The following RBL2 variants were observed in gnomAD, a reference collection of about 807,000 sequenced individuals.
The protein encoded by RBL2 is retinoblastoma-like protein 2.
A neutral mutation model predicts 126.0 loss-of-function variants in RBL2; 56 were observed. The observed-to-expected ratio is 0.44, with a 90% CI of 0.36 to 0.56. The LOEUF is 0.56. Ranked by LOEUF, RBL2 falls within the 20% of genes least tolerant of loss-of-function variation. RBL2 has a pLI of 0.00. For missense variants in RBL2, 1,229 were observed against 1,398.2 expected (o/e 0.88, Z 1.93); for synonymous variants, 454 against 478.5 (o/e 0.95, Z 0.67).
At chr16:53,449,821 C>T (rs1321682190) in intron 4 of RBL2, among the ~76,000 whole-genome samples, 1 of 152,044 alleles carries the variant, frequency 6.6e-6, no homozygotes, top group Non-Finnish European at 1.5e-5. Context: ...TAAAATACCT[C>T]ACAAAGTCAG....
At chr16:53,487,329 T>C (rs748370642) in intron 21 of RBL2, among the ~76,000 whole-genome samples, 29 of 152,280 alleles carry the variant, frequency 1.9e-4, no homozygotes, top group Non-Finnish European at 3.1e-4. Flanking sequence ...GACAGTAGTG[T>C]TGGTGGAAGT....
chr16:53,448,427 GCTTAC>G (rs926000744), intron 4 of RBL2, among the ~76,000 whole-genome samples: 46 of 152,234 alleles, frequency 3.0e-4, no homozygotes, highest in African/African-American at 9.4e-4. Flanking sequence ...AAAGTGCTGG[GCTTAC>G]AGGCGTGAGC....
At chr16:53,435,434 A>T (rs559269629) in intron 1 of RBL2, among the ~76,000 whole-genome samples, 31 of 152,156 alleles carry the variant, frequency 2.0e-4, no homozygotes, top group African/African-American at 7.5e-4. Context: ...GGCTACCTCG[A>T]GGGCTTTTTG....
intron 17 of RBL2, among the ~76,000 whole-genome samples, chr16:53,476,650 G>C (rs910882818): frequency 4.6e-5 from 7 of 152,076 alleles, no homozygotes. Context: ...TTTCGCTTCA[G>C]GTATTTTTTG....
intron 4 of RBL2, chr16:53,448,916 T>C (rs2058088424): frequency 6.6e-6 from 1 of 152,222 alleles, no homozygotes; most frequent in African/African-American, 2.4e-5. Flanking sequence ...GGGAAGAATG[T>C]GTTACATTGT....
At chr16:53,490,107 T>G (rs762412020) in intron 21 of RBL2, 23 bp from the exon 22 acceptor site, 1 of 1,514,884 alleles carries the variant, frequency 6.6e-7, no homozygotes, top group South Asian at 1.3e-5. Context: ...TTTTAAAATT[T>G]TTGTATCTTT....
chr16:53,455,534 G>T (rs559530165), intron 8 of RBL2, among the ~76,000 whole-genome samples: 6 of 152,322 alleles, frequency 3.9e-5, no homozygotes, highest in African/African-American at 1.4e-4. Flanking sequence ...CGAGAACCCT[G>T]TTCTAAAGAA....
intron 13 of RBL2, chr16:53,466,718 G>A (rs924885416): frequency 9.6e-6 from 2 of 209,152 alleles, no homozygotes; most frequent in Non-Finnish European, 1.9e-5. Context: ...AGCTTTGCTC[G>A]CATGCTCACT....
At chr16:53,453,422 A>G (rs1184935462) in intron 5 of RBL2, 30 bp from the exon 6 acceptor site, 2 of 1,586,684 alleles carry the variant, frequency 1.3e-6, no homozygotes, top group Non-Finnish European at 1.7e-6. Context: ...GTGTGCTGAT[A>G]TCTCTGTTTT....
intron 2 of RBL2, among the ~76,000 whole-genome samples, chr16:53,441,152 G>T (rs1458294304): frequency 6.6e-6 from 1 of 151,480 alleles, no homozygotes; most frequent in Non-Finnish European, 1.5e-5. Flanking sequence ...TGGAGACCAG[G>T]TTTCACCGTG....
rs1960906561 is a variant in RBL2, at chr16:53,480,658, A to G, written c.2973A>G (p.Thr991=). Residue 991 remains threonine (T), a synonymous_variant, in exon 20 of 22, where the codon ACA becomes ACG. Coordinates refer to ENST00000262133, the MANE Select transcript of RBL2 (RefSeq NM_005611.4). ...SSAPPTPTRL[T]GANSDMEEEE... ...CTCCTCCCACACCTACTCGCCTCACAGGTGCCAACAGTGACATGGAAGAAG... is the reference window on the plus strand; with the variant it reads ...CTCCTCCCACACCTACTCGCCTCACGGGTGCCAACAGTGACATGGAAGAAG... 4 of 1,613,974 alleles carry G rather than the reference A, an allele frequency of 2.5e-6. No individual in the cohort carries two copies. The highest frequency in any genetic ancestry group is 3.4e-6 in the Non-Finnish European group (4 of 1,179,972).
rs1236051815 is a variant in RBL2, at chr16:53,480,040, AC to A, written c.2881+50del. ...CAAGACAAAATTAGGAGCTTTTCTT[AC>A]TTTTTAGGCCTTGAAGAAGTAACTA... is the stretch of plus-strand genomic sequence containing the variant. On this transcript the variant is annotated intron_variant, in intron 19 of 21. Coordinates refer to ENST00000262133, the MANE Select transcript of RBL2 (RefSeq NM_005611.4). The A allele has an allele frequency of 6.2e-6, 8 of 1,289,008 alleles. 1 individual carries two copies. The South Asian group carries it at 1.0e-4, about 17-fold the overall frequency. The allele number at this position is 1,289,008 out of a possible 1,614,324, so 79.8% of individuals were successfully genotyped here.
In RBL2 at chr16:53,461,732, C is replaced by T; in HGVS notation, c.1347-9C>T. The T allele has an allele frequency of 2.6e-6, 4 of 1,558,094 alleles. No individual in the cohort carries two copies. Among genetic ancestry groups the T allele is most frequent in the Non-Finnish European group, 2.6e-6 (3 of 1,153,576 alleles). On this transcript the variant is annotated splice_polypyrimidine_tract_variant and intron_variant, in intron 9 of 21. Coordinates refer to ENST00000262133, the MANE Select transcript of RBL2 (RefSeq NM_005611.4). ...TTTAAATTATGTTATTTCTCATTACCTTTTTTAGGACATGTTCCAGAGATC... is the reference window on the plus strand; with the variant it reads ...TTTAAATTATGTTATTTCTCATTACTTTTTTTAGGACATGTTCCAGAGATC...
At chr16:53,481,628 T>C in intron 20 of RBL2, 43 bp from the exon 21 acceptor site, 2 of 1,433,410 alleles carry the variant, frequency 1.4e-6, no homozygotes, top group Non-Finnish European at 1.9e-6. Context: ...AAAATAATTA[T>C]AAATTTTTTT....
At chr16:53,439,369 T>C (rs2057992265) in intron 2 of RBL2, among the ~76,000 whole-genome samples, 1 of 152,356 alleles carries the variant, frequency 6.6e-6, no homozygotes, top group African/African-American at 2.4e-5. Context: ...TTTTAATGTT[T>C]TAGGCACTTG....
intron 6 of RBL2, 38 bp downstream of exon 6, chr16:53,453,650 CTG>C: frequency 6.2e-7 from 1 of 1,603,160 alleles, no homozygotes; most frequent in Non-Finnish European, 8.5e-7. Context: ...AAAATGTTTT[CTG>C]GAGAAAAACT....
At position 53,459,439 on chromosome 16, in the gene RBL2, T is replaced by G. The variant is rs780162189; in HGVS notation, c.1180-12T>G. Reference sequence around the variant, plus strand: ...ATGTTTATTAATTCTGTGTAATTTTTTTTTTCTTTAGTCCAAAGCACTTAG... The same window carrying G: ...ATGTTTATTAATTCTGTGTAATTTTGTTTTTCTTTAGTCCAAAGCACTTAG... On this transcript the variant is annotated splice_polypyrimidine_tract_variant and intron_variant, in intron 8 of 21. Transcript: ENST00000262133. The G allele has an allele frequency of 3.6e-3, 5,795 of 1,602,044 alleles. 16 individuals are homozygous for G. The highest frequency in any genetic ancestry group is 4.7e-3 in the Non-Finnish European group (5,533 of 1,172,846).
At chr16:53,466,898 A>G (rs1272314504) in intron 13 of RBL2, 160 bp from the exon 14 acceptor site, 11 of 604,610 alleles carry the variant, frequency 1.8e-5, no homozygotes, top group Admixed American at 1.7e-4. Flanking sequence ...TTGACTGCCA[A>G]AAGTTTTTTT....
At chr16:53,477,665 A>G (rs1430574415) in intron 17 of RBL2, among the ~76,000 whole-genome samples, 1 of 151,938 alleles carries the variant, frequency 6.6e-6, no homozygotes, top group Non-Finnish European at 1.5e-5. Context: ...TCTCTTATTC[A>G]TTCCTGTGTA....
Sources: gnomAD v4.1 joint callset for allele counts (sites outside exome capture counted in the v4.1 genomes callset) on GRCh38, gnomAD v4.1.1 for gene constraint, MANE v1.5 for transcripts, NCBI Gene and HGNC (gene_info 2026-07-23, HGNC 2026-07-21) for gene names.